COX8C: variants seen among roughly 807,000 people sequenced by gnomAD.
COX8C encodes cytochrome c oxidase subunit 8C, mitochondrial.
COX8C carries 3 observed loss-of-function variants against 3.5 expected under a neutral mutation model. That is an observed-to-expected ratio of 0.86 (90% CI 0.39 to 2.24). COX8C has a LOEUF of 2.24. COX8C is among the 30% of genes most tolerant of loss of function. The pLI is 0.05. For synonymous variants in COX8C, 46 were observed against 44.1 expected, an observed-to-expected ratio of 1.04 and a Z score of -0.17; for missense variants, 113 against 102.5, an observed-to-expected ratio of 1.10 and a Z score of -0.44.
In COX8C at chr14:93,348,339, C is replaced by G. The variant is rs1359478809; in HGVS notation, c.*219C>G. On this transcript the variant is annotated 3_prime_UTR_variant, in exon 2 of 2. Coordinates refer to ENST00000342144, the MANE Select transcript of COX8C (RefSeq NM_182971.3). ...TTAAGTGTTAAATAAAACGGAAACACTTATTCGTGCTTGGTAATATGTGTG... is the reference window on the plus strand; with the variant it reads ...TTAAGTGTTAAATAAAACGGAAACAGTTATTCGTGCTTGGTAATATGTGTG... 2.1e-6 allele frequency: 1 copy of G among 483,738 alleles called. No homozygotes were observed. The highest frequency in any genetic ancestry group is 3.7e-6 in the Non-Finnish European group (1 of 273,560). The allele number at this position is 483,738 out of a possible 1,614,324, so 30.0% of individuals were successfully genotyped here. A position where few individuals can be genotyped will look rare whatever the true frequency, so the allele number is the denominator to read the frequency against.
At chr14:93,347,463 G>A in intron 1 of COX8C, 69 bp downstream of exon 1, 2 of 1,378,334 alleles carry the variant, frequency 1.5e-6, no homozygotes, top group Non-Finnish European at 1.9e-6. Context: ...CCGACGGGTG[G>A]GGAGAAGGGA....
At chr14:93,347,658 GT>G (rs944994090) in intron 1 of COX8C, among the ~76,000 whole-genome samples, 5 of 152,208 alleles carry the variant, frequency 3.3e-5, no homozygotes, top group Admixed American at 6.5e-5. Flanking sequence ...GGCCTCCTTC[GT>G]TGTTACCCTT....
chr14:93,347,369 CG>C lies in COX8C; in HGVS notation c.102del (p.Arg35AlafsTer22). ...PAPRFAHSGP[P>X]RQRPLSAAEM... ...CCCCGCTTCGCCCACTCGGGGCCCC[CG>C]CGCCAGCGGCCCCTGTCTGCCGCGG... On this transcript the variant is annotated frameshift_variant, in exon 1 of 2. Transcript: ENST00000342144. LOFTEE classifies it low-confidence loss of function (END_TRUNC). 6.4e-7 allele frequency: 1 copy of C among 1,566,290 alleles called. No individual in the cohort carries two copies. The highest frequency in any genetic ancestry group is 8.6e-7 in the Non-Finnish European group (1 of 1,162,376).
At position 93,347,326 on chromosome 14, in the gene COX8C, C is replaced by T; in HGVS notation, c.58C>T (p.Leu20Phe). 6.4e-7 allele frequency: 1 copy of T among 1,574,012 alleles called. No individual in the cohort carries two copies. Among genetic ancestry groups the T allele is most frequent in the South Asian group, 1.1e-5 (1 of 90,154 alleles). Reference sequence around the variant, plus strand: ...CCGCCACTACCGCCGCTTGGCCCTGCTCGGCCTGCAGCCCGCTCCCCGCTT... The same window carrying T: ...CCGCCACTACCGCCGCTTGGCCCTGTTCGGCCTGCAGCCCGCTCCCCGCTT... ...ARRHYRRLAL[L>F]GLQPAPRFAH... Residue 20 changes from leucine (L) to phenylalanine (F), a missense_variant, in exon 1 of 2, where the codon CTC (leucine) becomes TTC (phenylalanine). Transcript: ENST00000342144.
At position 93,347,216 on chromosome 14, in the gene COX8C, G is replaced by A; in HGVS notation, c.-53G>A. On this transcript the variant is annotated 5_prime_UTR_variant, in exon 1 of 2. Coordinates refer to ENST00000342144, the MANE Select transcript of COX8C (RefSeq NM_182971.3). ...ACGAGCACTGGAGCTTGCGTTACTTGGCCTCACCTCACCTGTGCTGTCCAC... is the reference window on the plus strand; with the variant it reads ...ACGAGCACTGGAGCTTGCGTTACTTAGCCTCACCTCACCTGTGCTGTCCAC... 6.6e-7 allele frequency: 1 copy of A among 1,526,702 alleles called. No homozygotes were observed. The highest frequency in any genetic ancestry group is 1.2e-5 in the South Asian group (1 of 81,852). The allele number at this position is 1,526,702 out of a possible 1,614,324, so 94.6% of individuals were successfully genotyped here. A position where few individuals can be genotyped will look rare whatever the true frequency, so the allele number is the denominator to read the frequency against.
At chr14:93,347,576 G>A (rs904116459) in intron 1 of COX8C, among the ~76,000 whole-genome samples, 182 bp downstream of exon 1, 5 of 152,136 alleles carry the variant, frequency 3.3e-5, no homozygotes, top group Admixed American at 1.3e-4. Flanking sequence ...CCTGGGAGAG[G>A]GTCGCGGTGA....
Position 93,347,272 on chromosome 14 carries a change from C to G in COX8C, c.4C>G (p.Pro2Ala). M[P>A]LLRGRCPARR... Reference sequence around the variant, plus strand: ...GCTTTGTCTCACCTGACGCGATATGCCTCTCCTGCGTGGGCGCTGTCCTGC... The same window carrying G: ...GCTTTGTCTCACCTGACGCGATATGGCTCTCCTGCGTGGGCGCTGTCCTGC... The change falls in exon 1 of 2, where the codon CCT becomes GCT. Residue 2 changes from proline (P) to alanine (A), a missense_variant. Pro to Ala is a conservative substitution (Grantham distance 27). Coordinates refer to ENST00000342144, the MANE Select transcript of COX8C (RefSeq NM_182971.3). 1.9e-6 allele frequency: 3 copies of G among 1,603,782 alleles called. No homozygotes were observed. Among genetic ancestry groups the G allele is most frequent in the Middle Eastern group, 1.7e-4 (1 of 6,040 alleles).
In COX8C at chr14:93,347,226, C is replaced by A; in HGVS notation, c.-43C>A. ...GAGCTTGCGTTACTTGGCCTCACCT[C>A]ACCTGTGCTGTCCACGCCTGGCTTT... On this transcript the variant is annotated 5_prime_UTR_variant, in exon 1 of 2. Transcript: ENST00000342144. The A allele has an allele frequency of 1.3e-6, 2 of 1,559,824 alleles. No individual in the cohort carries two copies. The highest frequency in any genetic ancestry group is 1.2e-5 in the South Asian group (1 of 85,314).
intron 1 of COX8C, among the ~76,000 whole-genome samples, chr14:93,347,623 G>C (rs2053885335): frequency 6.6e-6 from 1 of 152,128 alleles, no homozygotes; most frequent in African/African-American, 2.4e-5. Context: ...GAAAGCCCGG[G>C]ACCCTGAGGA....
At position 93,347,961 on chromosome 14, in the gene COX8C, T is replaced by A. The variant is rs2053899280; in HGVS notation, c.127-67T>A. ...CTCAAAATGTTTTTTTTAAGCACTT[T>A]TTGTTAGGCAGCAAGTCACTGGCCT... On this transcript the variant is annotated intron_variant, in intron 1 of 1. Transcript: ENST00000342144. 4.2e-6 allele frequency: 4 copies of A among 958,140 alleles called. No homozygotes were observed. In the East Asian group the frequency reaches 9.7e-5, roughly 23 times the overall value. The allele number at this position is 958,140 out of a possible 1,614,324, so 59.4% of individuals were successfully genotyped here. A position where few individuals can be genotyped will look rare whatever the true frequency, so the allele number is the denominator to read the frequency against.
rs867037955 is a variant in COX8C, at chr14:93,348,291, A to C, written c.*171A>C. 56 of 513,558 alleles carry C rather than the reference A, an allele frequency of 1.1e-4. No individual in the cohort carries two copies. In the Middle Eastern group the frequency reaches 0.01, roughly 92 times the overall value. 31.8% of individuals were successfully genotyped at this position (513,558 alleles called of 1,614,324 possible). ...TTTTTTAGTACTGTGCATTATATAG[A>C]TGTATAGTCAAAAATGTTCTGCTTA... On this transcript the variant is annotated 3_prime_UTR_variant, in exon 2 of 2. Transcript: ENST00000342144.
In COX8C at chr14:93,347,309, A is replaced by G. The variant is rs767493650; in HGVS notation, c.41A>G (p.Tyr14Cys). 3.7e-6 allele frequency: 6 copies of G among 1,605,532 alleles called. No homozygotes were observed. The Admixed American group carries it at 8.4e-5, about 22-fold the overall frequency. The change falls in exon 1 of 2, where the codon TAC becomes TGC. Residue 14 changes from tyrosine to cysteine, a missense_variant. Transcript: ENST00000342144. ...GGGCGCTGTCCTGCCCGCCGCCACT[A>G]CCGCCGCTTGGCCCTGCTCGGCCTG... ...LRGRCPARRH[Y>C]RRLALLGLQP... is the part of the protein sequence containing the mutation.
chr14:93,348,244 GT>G lies in COX8C; in HGVS notation c.*127del. The G allele has an allele frequency of 1.6e-6, 1 of 638,802 alleles. No homozygotes were observed. Among genetic ancestry groups the G allele is most frequent in the Non-Finnish European group, 2.8e-6 (1 of 351,958 alleles). The allele number at this position is 638,802 out of a possible 1,614,324, so 39.6% of individuals were successfully genotyped here. A position where few individuals can be genotyped will look rare whatever the true frequency, so the allele number is the denominator to read the frequency against. On this transcript the variant is annotated 3_prime_UTR_variant, in exon 2 of 2. Transcript: ENST00000342144. ...CCATTGTGGTATTCACTTTCCTCAT[GT>G]TTATGATGAATATTTTGCACTTTTT...
At position 93,348,011 on chromosome 14, in the gene COX8C, GTCA is replaced by G; in HGVS notation, c.127-14_127-12del. The G allele has an allele frequency of 1.3e-6, 2 of 1,535,478 alleles. No homozygotes were observed. Among genetic ancestry groups the G allele is most frequent in the Non-Finnish European group, 1.8e-6 (2 of 1,108,364 alleles). ...TAGGAAGCCATACTCAGCAGCGCGT[GTCA>G]TCTTCTCTTCCAGGAAATGGCTGTT... On this transcript the variant is annotated splice_polypyrimidine_tract_variant and intron_variant, in intron 1 of 1. Coordinates refer to ENST00000342144, the MANE Select transcript of COX8C (RefSeq NM_182971.3).
At chr14:93,347,984 C>A in intron 1 of COX8C, 44 bp from the exon 2 acceptor site, 1 of 1,191,824 alleles carries the variant, frequency 8.4e-7, no homozygotes, top group Non-Finnish European at 1.3e-6. Context: ...AAGTCACTGG[C>A]CTAGGAAGCC....
intron 1 of COX8C, 110 bp downstream of exon 1, chr14:93,347,504 C>T: frequency 8.0e-7 from 1 of 1,252,166 alleles, no homozygotes; most frequent in Non-Finnish European, 1.0e-6. Context: ...GCGTGGGAGG[C>T]TCTTGTGGCT....
Position 93,347,377 on chromosome 14 carries a change from C to T in COX8C, c.109C>T (p.Arg37Trp). Residue 37 changes from arginine to tryptophan, a missense_variant, in exon 1 of 2, where the codon CGG (arginine) becomes TGG (tryptophan). Coordinates refer to ENST00000342144, the MANE Select transcript of COX8C (RefSeq NM_182971.3). ...CGCCCACTCGGGGCCCCCGCGCCAG[C>T]GGCCCCTGTCTGCCGCGGTGAGTTG... ...RFAHSGPPRQ[R>W]PLSAAEMAVG... The T allele has an allele frequency of 1.9e-6, 3 of 1,555,672 alleles. No homozygotes were observed. The highest frequency in any genetic ancestry group is 8.6e-7 in the Non-Finnish European group (1 of 1,157,548).
Position 93,347,208 on chromosome 14 carries a change from CG to C in COX8C, c.-60del. On this transcript the variant is annotated 5_prime_UTR_variant, in exon 1 of 2. Transcript: ENST00000342144. ...GCTGCCTCACGAGCACTGGAGCTTG[CG>C]TTACTTGGCCTCACCTCACCTGTGC... 6.6e-7 allele frequency: 1 copy of C among 1,511,036 alleles called. No individual in the cohort carries two copies. The highest frequency in any genetic ancestry group is 1.4e-5 in the African/African-American group (1 of 70,878). 93.6% of individuals were successfully genotyped at this position (1,511,036 alleles called of 1,614,324 possible).
chr14:93,348,012 T>C lies in COX8C; in HGVS notation c.127-16T>C, dbSNP rs371446880. On this transcript the variant is annotated splice_polypyrimidine_tract_variant and intron_variant, in intron 1 of 1. Transcript: ENST00000342144. ...AGGAAGCCATACTCAGCAGCGCGTG[T>C]CATCTTCTCTTCCAGGAAATGGCTG... 629 of 1,541,392 alleles carry C rather than the reference T, an allele frequency of 4.1e-4. No individual in the cohort carries two copies. Among genetic ancestry groups the C allele is most frequent in the Non-Finnish European group, 5.3e-4 (587 of 1,113,620 alleles).
Sources: gnomAD v4.1 joint callset for allele counts (sites outside exome capture counted in the v4.1 genomes callset) on GRCh38, gnomAD v4.1.1 for gene constraint, MANE v1.5 for transcripts, NCBI Gene and HGNC (gene_info 2026-07-23, HGNC 2026-07-21) for gene names.